CCDC6: variants seen among roughly 807,000 people sequenced by gnomAD.
CCDC6 encodes coiled-coil domain containing 6.
CCDC6 carries 20 observed loss-of-function variants against 56.6 expected under a neutral mutation model. The ratio of observed to expected loss-of-function variants is 0.35; its 90% CI spans 0.25 to 0.51. The LOEUF is 0.51. CCDC6 is among the 20% of genes least tolerant of loss of function. The pLI is 0.95. For missense variants in CCDC6, 367 were observed against 601.1 expected (o/e 0.61, Z 4.07); for synonymous variants, 241 against 234.4 (o/e 1.03, Z -0.26).
chr10:59,861,432 C>CAAAAAAAAAAAAAAAAAAAAAAAACAAA (rs55716341), intron 1 of CCDC6, among the ~76,000 whole-genome samples: 1 of 88,970 alleles, frequency 1.1e-5, no homozygotes, highest in African/African-American at 4.1e-5. Context: ...CAAAAATTAC[C>CAAAAAAAAAAAAAAAAAAAAAAAACAAA]AAAAAAAAAA....
intron 1 of CCDC6, among the ~76,000 whole-genome samples, chr10:59,878,412 T>C (rs1261531830): frequency 6.6e-6 from 1 of 152,214 alleles, no homozygotes; most frequent in Admixed American, 6.5e-5. Context: ...TTCCCTTTCC[T>C]TTCTTGAATA....
chr10:59,900,839 A>G (rs987333379), intron 1 of CCDC6, among the ~76,000 whole-genome samples: 1 of 152,158 alleles, frequency 6.6e-6, no homozygotes, highest in Non-Finnish European at 1.5e-5. Flanking sequence ...TGGGTGGATC[A>G]CTTTAGGCCA....
intron 2 of CCDC6, among the ~76,000 whole-genome samples, chr10:59,848,426 C>T (rs1053529482): frequency 2.6e-5 from 4 of 152,146 alleles, no homozygotes; most frequent in African/African-American, 7.2e-5. Context: ...CACCTATAAT[C>T]CCAGCACTTT....
At chr10:59,876,018 T>C (rs1223595733) in intron 1 of CCDC6, among the ~76,000 whole-genome samples, 1 of 145,432 alleles carries the variant, frequency 6.9e-6, no homozygotes, top group Non-Finnish European at 1.5e-5. Flanking sequence ...AAATTCGCAA[T>C]GCCAAGCACA....
chr10:59,873,816 A>AT (rs1312980695), intron 1 of CCDC6, among the ~76,000 whole-genome samples: 1 of 152,066 alleles, frequency 6.6e-6, no homozygotes, highest in Non-Finnish European at 1.5e-5. Context: ...TAGACTGCTA[A>AT]TTTTTAAAAA....
intron 5 of CCDC6, among the ~76,000 whole-genome samples, chr10:59,810,357 A>C (rs1392006731): frequency 6.6e-6 from 1 of 152,216 alleles, no homozygotes; most frequent in Non-Finnish European, 1.5e-5. Context: ...CAGAAATAGC[A>C]CTTACAAATG....
intron 1 of CCDC6, among the ~76,000 whole-genome samples, chr10:59,874,959 A>G (rs772295197): frequency 2.0e-5 from 3 of 152,246 alleles, no homozygotes; most frequent in Non-Finnish European, 4.4e-5. Flanking sequence ...TGATAAATCT[A>G]TGTTACTTCA....
intron 1 of CCDC6, among the ~76,000 whole-genome samples, chr10:59,853,054 A>T (rs184856684): frequency 1.2e-4 from 13 of 110,702 alleles, no homozygotes; most frequent in Admixed American, 7.1e-4. Context: ...AGACGGGTCC[A>T]GTCCTGTGCT....
At chr10:59,794,066 G>C (rs2070492274) in intron 8 of CCDC6, among the ~76,000 whole-genome samples, 2 of 152,252 alleles carry the variant, frequency 1.3e-5, no homozygotes, top group South Asian at 4.1e-4. Context: ...TTCGAGGAGA[G>C]AAAATTCTGA....
chr10:59,792,639 A>C lies in CCDC6; in HGVS notation c.*278T>G, dbSNP rs768141868. On this transcript the variant is annotated 3_prime_UTR_variant, in exon 9 of 9. Coordinates refer to ENST00000263102, the MANE Select transcript of CCDC6 (RefSeq NM_005436.5). Reference sequence around the variant, plus strand: ...AAGCAAAAATTGCACACTGCTGCTGAAATACCAAATACCAAACAGCGAAGG... The same window carrying C: ...AAGCAAAAATTGCACACTGCTGCTGCAATACCAAATACCAAACAGCGAAGG... 2.8e-6 allele frequency: 2 copies of C among 708,260 alleles called. No homozygotes were observed. The highest frequency in any genetic ancestry group is 2.7e-5 in the South Asian group (2 of 73,192). 43.9% of individuals were successfully genotyped at this position (708,260 alleles called of 1,614,324 possible). A position where few individuals can be genotyped will look rare whatever the true frequency, so the allele number is the denominator to read the frequency against.
chr10:59,831,459 C>A (rs150272886), intron 3 of CCDC6, among the ~76,000 whole-genome samples: 1 of 152,142 alleles, frequency 6.6e-6, no homozygotes, highest in Non-Finnish European at 1.5e-5. Context: ...AATATTCAAA[C>A]GAGAGCGGTC....
rs1318195577 is a variant in CCDC6 at position 59,905,439 on chromosome 10, C to T, written c.303+683G>A. ...TCACTACCCTTCCCCTGGTTTCGGC[C>T]CCAGCCCTGTCCAGGCGTGGATGCT... On this transcript the variant is annotated intron_variant, in intron 1 of 8. Transcript: ENST00000263102. 2.0e-5 allele frequency among the ~76,000 whole-genome samples: 3 copies of T among 152,202 alleles called. No homozygotes were observed. The East Asian group carries it at 5.8e-4, about 29-fold the overall frequency.
chr10:59,800,651 T>C (rs1224477873), intron 7 of CCDC6, among the ~76,000 whole-genome samples: 1 of 151,728 alleles, frequency 6.6e-6, no homozygotes, highest in African/African-American at 2.4e-5. Context: ...TAAGCCCTGC[T>C]GTTGATTATA....
intron 1 of CCDC6, among the ~76,000 whole-genome samples, chr10:59,870,494 A>G (rs1052945014): frequency 2.6e-5 from 4 of 152,122 alleles, no homozygotes; most frequent in African/African-American, 4.8e-5. Context: ...CCACTGTTGG[A>G]TCATGAATAG....
At chr10:59,891,944 A>G (rs118174536) in intron 1 of CCDC6, among the ~76,000 whole-genome samples, 1 of 152,204 alleles carries the variant, frequency 6.6e-6, no homozygotes, top group Non-Finnish European at 1.5e-5. Context: ...GGCAACAAAG[A>G]AAAGAGGTCA....
At chr10:59,879,165 A>G (rs1378953157) in intron 1 of CCDC6, among the ~76,000 whole-genome samples, 1 of 152,176 alleles carries the variant, frequency 6.6e-6, no homozygotes, top group East Asian at 1.9e-4. Flanking sequence ...GATTACCTAA[A>G]ACCTTCAAAA....
intron 1 of CCDC6, among the ~76,000 whole-genome samples, chr10:59,873,826 AAAAAG>A (rs1330748105): frequency 1.3e-5 from 2 of 152,108 alleles, no homozygotes; most frequent in Non-Finnish European, 2.9e-5. Flanking sequence ...ATTTTTAAAA[AAAAAG>A]AAGGACAGAG....
Position 59,906,536 on chromosome 10 carries a change from G to C in CCDC6, c.-112C>G. On this transcript the variant is annotated 5_prime_UTR_variant, in exon 1 of 9. Transcript: ENST00000263102. ...AGCACAGGGGAGCGCCGAGCTGAGCGCCTGGCACCAGGGCGCAGACTCGGA... is the reference window on the plus strand; with the variant it reads ...AGCACAGGGGAGCGCCGAGCTGAGCCCCTGGCACCAGGGCGCAGACTCGGA... 1.1e-6 allele frequency: 1 copy of C among 948,448 alleles called. No individual in the cohort carries two copies. The allele number at this position is 948,448 out of a possible 1,614,324, so 58.8% of individuals were successfully genotyped here.
intron 2 of CCDC6, among the ~76,000 whole-genome samples, chr10:59,839,057 A>T (rs936748984): frequency 2.0e-5 from 3 of 152,254 alleles, no homozygotes; most frequent in Non-Finnish European, 4.4e-5. Flanking sequence ...CTACGTCTCA[A>T]GCACTTTATA....
Sources: gnomAD v4.1 joint callset for allele counts (sites outside exome capture counted in the v4.1 genomes callset) on GRCh38, gnomAD v4.1.1 for gene constraint, MANE v1.5 for transcripts, NCBI Gene and HGNC (gene_info 2026-07-23, HGNC 2026-07-21) for gene names.